Variants in SVIL observed in about 807,000 individuals in gnomAD.
The protein encoded by SVIL is archvillin.
Under a neutral mutation model 240.4 loss-of-function variants are expected in SVIL, and 101 were observed. The observed-to-expected ratio is 0.42, with a 90% confidence interval of 0.36 to 0.50. The LOEUF (loss-of-function observed/expected upper bound fraction) is 0.50. SVIL is among the 20% of genes least tolerant of loss of function. The pLI, the probability that SVIL is intolerant of heterozygous loss-of-function variation, is 0.01. For missense variants in SVIL, 2,512 were observed against 2,818.7 expected (o/e 0.89, Z 2.46); for synonymous variants, 999 against 1,100.0 (o/e 0.91, Z 1.82).
At chr10:29,734,985 C>A (rs1964814116) in intron 1 of SVIL, among the ~76,000 whole-genome samples, 1 of 152,176 alleles carries the variant, frequency 6.6e-6, no homozygotes, top group South Asian at 2.1e-4. Flanking sequence ...ATCTCTCATG[C>A]CAACGCCTGA....
intron 6 of SVIL, among the ~76,000 whole-genome samples, chr10:29,548,703 T>C (rs1487535368): frequency 6.6e-6 from 1 of 152,244 alleles, no homozygotes; most frequent in Non-Finnish European, 1.5e-5. Flanking sequence ...GCAGTCATAC[T>C]TCTGTGCTCT....
chr10:29,546,633 A>G (rs4749447), intron 6 of SVIL, among the ~76,000 whole-genome samples: 64,509 of 152,030 alleles, frequency 0.42, 13,784 homozygotes, highest in African/African-American at 0.46. Flanking sequence ...ATATACACAG[A>G]TGTGTACAGG....
At chr10:29,617,797 G>T (rs974289799) in intron 1 of SVIL, among the ~76,000 whole-genome samples, 1 of 152,274 alleles carries the variant, frequency 6.6e-6, no homozygotes, top group Non-Finnish European at 1.5e-5. Context: ...TCTCAAATTA[G>T]TTTCAGTGTG....
At chr10:29,693,472 C>G (rs1589525053) in intron 1 of SVIL, among the ~76,000 whole-genome samples, 1 of 152,152 alleles carries the variant, frequency 6.6e-6, no homozygotes, top group Non-Finnish European at 1.5e-5. Flanking sequence ...GCTGGTTCTT[C>G]AAATAAAAAA....
chr10:29,531,894 T>C, intron 9 of SVIL, 108 bp downstream of exon 9: 1 of 1,273,832 alleles, frequency 7.9e-7, no homozygotes, highest in East Asian at 2.3e-5. Flanking sequence ...GGAACAATTA[T>C]GGAATCGCCA....
chr10:29,527,723 C>CAT (rs1196329053), intron 12 of SVIL, among the ~76,000 whole-genome samples: 170 of 135,256 alleles, frequency 1.3e-3, no homozygotes, highest in African/African-American at 4.5e-3. Context: ...CTGGGCCCAG[C>CAT]CTTTTTTTTT....
intron 1 of SVIL, among the ~76,000 whole-genome samples, chr10:29,633,586 T>A (rs892682962): frequency 1.3e-5 from 2 of 152,172 alleles, no homozygotes; most frequent in African/African-American, 4.8e-5. Flanking sequence ...TTCTTCTCTA[T>A]AAATACTCTG....
intron 22 of SVIL, among the ~76,000 whole-genome samples, chr10:29,490,587 A>G (rs1251998478): frequency 9.0e-5 from 6 of 66,910 alleles, no homozygotes; most frequent in African/African-American, 2.4e-4. Flanking sequence ...CCAGTCTTTA[A>G]AAAAAAAAAA....
rs1400750459 is a variant in SVIL, at chr10:29,589,691, A to G, written c.-200-20379T>C. Among the ~76,000 whole-genome samples, 8 of 152,168 alleles carry G rather than the reference A, an allele frequency of 5.3e-5. No homozygotes were observed. The East Asian group carries it at 5.8e-4, about 11-fold the overall frequency. On this transcript the variant is annotated intron_variant, in intron 1 of 37. Transcript: ENST00000355867. ...TACTGACTTGCAGCAAGCTCTGTCA[A>G]TCAAGACTCCTGGAACAGGGGGTCT... is the stretch of plus-strand genomic sequence containing the variant.
intron 1 of SVIL, among the ~76,000 whole-genome samples, chr10:29,571,289 G>C (rs1183695778): frequency 1.3e-5 from 2 of 152,228 alleles, no homozygotes; most frequent in Non-Finnish European, 2.9e-5. Context: ...GTGATGGGAC[G>C]TGGGTGATGT....
intron 1 of SVIL, among the ~76,000 whole-genome samples, chr10:29,730,385 G>C (rs1268744016): frequency 6.6e-6 from 1 of 152,106 alleles, no homozygotes; most frequent in African/African-American, 2.4e-5. Context: ...TCCAGTCAGA[G>C]GGGAGTGTTG....
intron 1 of SVIL, among the ~76,000 whole-genome samples, chr10:29,688,480 C>T (rs886425452): frequency 6.6e-6 from 1 of 152,232 alleles, no homozygotes; most frequent in African/African-American, 2.4e-5. Context: ...CCTGGGATCG[C>T]TATTTGCCCA....
At chr10:29,575,116 A>G (rs1955630509) in intron 1 of SVIL, among the ~76,000 whole-genome samples, 1 of 152,232 alleles carries the variant, frequency 6.6e-6, no homozygotes, top group South Asian at 2.1e-4. Context: ...CATTAATTCT[A>G]TTTCTAAAAA....
At chr10:29,609,690 C>T in intron 1 of SVIL, among the ~76,000 whole-genome samples, 1 of 152,260 alleles carries the variant, frequency 6.6e-6, no homozygotes, top group Admixed American at 6.5e-5. Flanking sequence ...GTGGAAGCCA[C>T]TTGTGGCACA....
At chr10:29,519,258 C>G (rs1950414079) in intron 16 of SVIL, among the ~76,000 whole-genome samples, 2 of 152,160 alleles carry the variant, frequency 1.3e-5, no homozygotes, top group East Asian at 1.9e-4. Flanking sequence ...GTTGGCTGCT[C>G]TAACACTAAT....
chr10:29,666,326 A>G, intron 2 of SVIL, among the ~76,000 whole-genome samples: 1 of 152,256 alleles, frequency 6.6e-6, no homozygotes, highest in East Asian at 1.9e-4. Context: ...CCTAAGTAGT[A>G]TCTCCAAGAT....
At chr10:29,603,881 C>T (rs1208937493) in intron 1 of SVIL, among the ~76,000 whole-genome samples, 1 of 152,176 alleles carries the variant, frequency 6.6e-6, no homozygotes, top group Non-Finnish European at 1.5e-5. Flanking sequence ...AGGACTTGAT[C>T]CGCAAAGGTG....
chr10:29,597,523 A>C (rs531162487), intron 1 of SVIL, among the ~76,000 whole-genome samples: 25 of 152,064 alleles, frequency 1.6e-4, no homozygotes, highest in Non-Finnish European at 3.4e-4. Flanking sequence ...GTTCAGCCTC[A>C]CGAGTAGCTG....
intron 1 of SVIL, among the ~76,000 whole-genome samples, chr10:29,707,669 T>C (rs1242414910): frequency 6.6e-6 from 1 of 152,206 alleles, no homozygotes; most frequent in East Asian, 1.9e-4. Context: ...GAAGTGCTTT[T>C]AAAATAATGA....
Sources: gnomAD v4.1 joint callset for allele counts (sites outside exome capture counted in the v4.1 genomes callset) on GRCh38, gnomAD v4.1.1 for gene constraint, MANE v1.5 for transcripts, NCBI Gene and HGNC (gene_info 2026-07-23, HGNC 2026-07-21) for gene names.